Variants in HS6ST3 observed in about 807,000 individuals in gnomAD.
HS6ST3 encodes heparan sulfate 6-O-sulfotransferase 3.
Under a neutral mutation model 36.7 loss-of-function variants are expected in HS6ST3, and 12 were observed. The ratio of observed to expected loss-of-function variants is 0.33; its 90% confidence interval spans 0.21 to 0.53. HS6ST3 has a LOEUF of 0.53. HS6ST3 is among the 20% of genes least tolerant of loss of function. The probability of loss-of-function intolerance (pLI) is 0.95; values close to 1 mark genes in which losing one functional copy is unlikely to be tolerated. For missense variants in HS6ST3, 584 were observed against 640.9 expected (o/e 0.91, Z 0.96); for synonymous variants, 240 against 257.5 (o/e 0.93, Z 0.65).
chr13:96,178,757 T>C (rs2054224676), intron 1 of HS6ST3, among the ~76,000 whole-genome samples: 1 of 152,090 alleles, frequency 6.6e-6, no homozygotes, highest in South Asian at 2.1e-4. Context: ...GGAATGTTTC[T>C]TCATAGATGG....
chr13:96,225,036 T>C (rs1422898414), intron 1 of HS6ST3, among the ~76,000 whole-genome samples: 2 of 152,200 alleles, frequency 1.3e-5, no homozygotes, highest in Non-Finnish European at 2.9e-5. Context: ...TATTAGCTTG[T>C]AAGTTGGCAA....
chr13:96,758,792 CT>C (rs757180052), intron 1 of HS6ST3, among the ~76,000 whole-genome samples: 13 of 151,806 alleles, frequency 8.6e-5, no homozygotes, highest in Non-Finnish European at 1.9e-4. Context: ...TCTTGGTGAA[CT>C]TTTCATTTTG....
intron 1 of HS6ST3, among the ~76,000 whole-genome samples, chr13:96,402,594 G>T (rs1335912959): frequency 6.6e-6 from 1 of 152,170 alleles, no homozygotes; most frequent in Non-Finnish European, 1.5e-5. Flanking sequence ...TGTCCCCAGA[G>T]AAAACCATTT....
intron 1 of HS6ST3, among the ~76,000 whole-genome samples, chr13:96,650,665 G>A (rs1685793760): frequency 6.6e-6 from 1 of 151,994 alleles, no homozygotes; most frequent in African/African-American, 2.4e-5. Context: ...AGGCAGCAGG[G>A]TGGAAGACTG....
chr13:96,529,911 G>T (rs1465184731), intron 1 of HS6ST3, among the ~76,000 whole-genome samples: 1 of 152,066 alleles, frequency 6.6e-6, no homozygotes, highest in African/African-American at 2.4e-5. Flanking sequence ...TGGTAATAAG[G>T]CCAAGTGTGT....
intron 1 of HS6ST3, among the ~76,000 whole-genome samples, chr13:96,544,563 T>A (rs571978094): frequency 6.6e-6 from 1 of 152,182 alleles, no homozygotes; most frequent in Non-Finnish European, 1.5e-5. Context: ...CTTGAACAGA[T>A]CTGTAAAATG....
chr13:96,310,119 A>G (rs2054932951), intron 1 of HS6ST3, among the ~76,000 whole-genome samples: 1 of 152,156 alleles, frequency 6.6e-6, no homozygotes, highest in Non-Finnish European at 1.5e-5. Context: ...CAAGAATTTT[A>G]TATGTGTATA....
intron 1 of HS6ST3, among the ~76,000 whole-genome samples, chr13:96,515,382 T>C (rs1359633440): frequency 6.6e-6 from 1 of 152,228 alleles, no homozygotes; most frequent in Non-Finnish European, 1.5e-5. Flanking sequence ...TCCTTGCTAA[T>C]AGTAGGCATG....
At chr13:96,554,866 TGAGA>T (rs1312738609) in intron 1 of HS6ST3, among the ~76,000 whole-genome samples, 1 of 151,838 alleles carries the variant, frequency 6.6e-6, no homozygotes, top group East Asian at 1.9e-4. Context: ...CTCAGGAGTT[TGAGA>T]CCAACTCCTG....
At chr13:96,301,324 T>C (rs1030077505) in intron 1 of HS6ST3, among the ~76,000 whole-genome samples, 1 of 152,196 alleles carries the variant, frequency 6.6e-6, no homozygotes, top group African/African-American at 2.4e-5. Flanking sequence ...AAAGAAAGTT[T>C]ATTGATTATC....
intron 1 of HS6ST3, among the ~76,000 whole-genome samples, chr13:96,359,729 A>G (rs936394122): frequency 6.6e-6 from 1 of 152,186 alleles, no homozygotes; most frequent in Non-Finnish European, 1.5e-5. Context: ...GAAGTTATTC[A>G]TACCATTGTT....
At chr13:96,115,733 T>A (rs770541337) in intron 1 of HS6ST3, among the ~76,000 whole-genome samples, 1 of 152,250 alleles carries the variant, frequency 6.6e-6, no homozygotes, top group Non-Finnish European at 1.5e-5. Flanking sequence ...TATAGTAGAA[T>A]GATTTATATT....
At chr13:96,571,548 T>C (rs2056301116) in intron 1 of HS6ST3, among the ~76,000 whole-genome samples, 1 of 152,240 alleles carries the variant, frequency 6.6e-6, no homozygotes, top group African/African-American at 2.4e-5. Context: ...TTCCTTATCA[T>C]GCATATGTTT....
At chr13:96,541,094 G>A (rs180758280) in intron 1 of HS6ST3, among the ~76,000 whole-genome samples, 10 of 152,132 alleles carry the variant, frequency 6.6e-5, no homozygotes, top group Non-Finnish European at 1.3e-4. Flanking sequence ...GTGCAATGGC[G>A]CGATCTCGGC....
At chr13:96,358,877 T>TATCC (rs1425650860) in intron 1 of HS6ST3, among the ~76,000 whole-genome samples, 3 of 137,526 alleles carry the variant, frequency 2.2e-5, no homozygotes, top group Non-Finnish European at 4.5e-5. Context: ...ATAATCTATC[T>TATCC]ATCTATCTAT....
intron 1 of HS6ST3, among the ~76,000 whole-genome samples, chr13:96,698,080 A>G (rs1205196192): frequency 6.6e-6 from 1 of 152,100 alleles, no homozygotes; most frequent in Non-Finnish European, 1.5e-5. Flanking sequence ...GTTTTAGGGT[A>G]CATGTGCACA....
intron 1 of HS6ST3, among the ~76,000 whole-genome samples, chr13:96,144,213 A>G (rs1566892664): frequency 6.6e-6 from 1 of 152,214 alleles, no homozygotes; most frequent in Non-Finnish European, 1.5e-5. Flanking sequence ...AGTATAGAAC[A>G]TATTAGTAAT....
chr13:96,198,270 G>C (rs2054323996), intron 1 of HS6ST3, among the ~76,000 whole-genome samples: 1 of 152,238 alleles, frequency 6.6e-6, no homozygotes, highest in African/African-American at 2.4e-5. Flanking sequence ...TTTCCTCCTG[G>C]GCCTCTGGGC....
chr13:96,619,120 A>T (rs1452284555), intron 1 of HS6ST3, among the ~76,000 whole-genome samples: 2 of 152,106 alleles, frequency 1.3e-5, no homozygotes, highest in East Asian at 3.9e-4. Flanking sequence ...TTTGACAATG[A>T]TTACAGTAAT....
Sources: allele counts gnomAD v4.1 joint callset (sites outside exome capture counted in the v4.1 genomes callset), GRCh38; gene constraint gnomAD v4.1.1; transcripts MANE v1.5; gene names NCBI Gene and HGNC (gene_info 2026-07-23, HGNC 2026-07-21).